TYRP1: variants seen among roughly 807,000 people sequenced by gnomAD.
The protein encoded by TYRP1 is 5,6-dihydroxyindole-2-carboxylic acid oxidase.
Under a neutral mutation model 42.8 loss-of-function variants are expected in TYRP1, and 49 were observed. The observed-to-expected ratio is 1.14, with a 90% confidence interval of 0.91 to 1.45. The LOEUF is 1.45. Among genes scored for constraint, TYRP1 ranks in the 40% most tolerant of loss-of-function variants. The pLI is 0.00. For synonymous variants in TYRP1, 279 were observed against 235.4 expected (o/e 1.19, Z -1.69); for missense variants, 848 against 662.0 (o/e 1.28, Z -3.08).
intron 7 of TYRP1, 68 bp downstream of exon 7, chr9:12,708,211 G>A: frequency 1.3e-6 from 2 of 1,558,672 alleles, no homozygotes; most frequent in Middle Eastern, 3.4e-4. Flanking sequence ...TTCAAGTAGA[G>A]TAATCACGGT....
chr9:12,703,883 A>ATATGTGTGTGTGTG (rs141978563), intron 5 of TYRP1, among the ~76,000 whole-genome samples: 1 of 143,432 alleles, frequency 7.0e-6, no homozygotes, highest in South Asian at 2.2e-4. Context: ...ATATATATAT[A>ATATGTGTGTGTGTG]TGTGTGTGTG....
intron 6 of TYRP1, 97 bp from the exon 7 acceptor site, chr9:12,707,900 A>C: frequency 8.2e-7 from 1 of 1,224,726 alleles, no homozygotes; most frequent in Non-Finnish European, 1.1e-6. Flanking sequence ...AAATTTTTTC[A>C]GGTTCTCCTT....
At chr9:12,703,547 A>C (rs1818208638) in intron 5 of TYRP1, among the ~76,000 whole-genome samples, 1 of 151,962 alleles carries the variant, frequency 6.6e-6, no homozygotes, top group Non-Finnish European at 1.5e-5. Context: ...TCCTGACAAA[A>C]TGTATAAAAA....
chr9:12,709,050 T>C lies in TYRP1; in HGVS notation c.1482T>C (p.Phe494=). ...VGALLLVALI[F]GTASYLIRAR... ...CTTTGTTACTGGTTGCACTCATTTT[T>C]GGGACTGCTTCTTATCTGATTCGTG... is the stretch of plus-strand genomic sequence containing the variant. Residue 494 remains phenylalanine, a synonymous_variant, in exon 8 of 8, where the codon TTT becomes TTC. Coordinates refer to ENST00000388918, the MANE Select transcript of TYRP1 (RefSeq NM_000550.3). 6 of 1,612,874 alleles carry C rather than the reference T, an allele frequency of 3.7e-6. No homozygotes were observed. Among genetic ancestry groups the C allele is most frequent in the Middle Eastern group, 1.7e-4 (1 of 6,058 alleles).
intron 6 of TYRP1, among the ~76,000 whole-genome samples, chr9:12,705,588 T>C (rs1818244686): frequency 6.6e-6 from 1 of 152,074 alleles, no homozygotes; most frequent in Non-Finnish European, 1.5e-5. Flanking sequence ...CACATAAGCC[T>C]GTAATCGCAG....
intron 4 of TYRP1, 68 bp from the exon 5 acceptor site, chr9:12,702,203 T>A: frequency 6.4e-7 from 1 of 1,557,274 alleles, no homozygotes; most frequent in Non-Finnish European, 8.8e-7. Flanking sequence ...ATGTATAAAG[T>A]TTTAAAGAGC....
At chr9:12,694,982 C>T (rs183372237) in intron 2 of TYRP1, among the ~76,000 whole-genome samples, 299 of 152,190 alleles carry the variant, frequency 2.0e-3, no homozygotes, top group African/African-American at 6.8e-3. Flanking sequence ...GTATTGAGTC[C>T]TTACTATGAG....
intron 5 of TYRP1, among the ~76,000 whole-genome samples, chr9:12,703,905 GTGTGTATA>G (rs1818216375): frequency 1.3e-5 from 2 of 150,244 alleles, no homozygotes; most frequent in South Asian, 4.2e-4. Flanking sequence ...GTGTGTGTGT[GTGTGTATA>G]TATGTGTGTG....
intron 4 of TYRP1, chr9:12,700,542 A>T (rs1333530498): frequency 6.6e-6 from 1 of 152,080 alleles, no homozygotes; most frequent in African/African-American, 2.4e-5. Context: ...ATTTATTTTT[A>T]TGTGGAAATT....
intron 6 of TYRP1, among the ~76,000 whole-genome samples, chr9:12,705,099 A>G (rs1586846031): frequency 6.6e-6 from 1 of 152,150 alleles, no homozygotes; most frequent in South Asian, 2.1e-4. Context: ...AAAATTTTAT[A>G]CCCATAATCC....
At chr9:12,706,561 G>A (rs764390504) in intron 6 of TYRP1, among the ~76,000 whole-genome samples, 11 of 151,868 alleles carry the variant, frequency 7.2e-5, no homozygotes, top group East Asian at 3.9e-4. Flanking sequence ...GAGAAATACC[G>A]TAAATAAAAA....
chr9:12,694,495 T>G, intron 2 of TYRP1, 114 bp downstream of exon 2: 1 of 1,341,658 alleles, frequency 7.5e-7, no homozygotes, highest in Non-Finnish European at 1.0e-6. Flanking sequence ...CTCAACCCTC[T>G]CTTTTCATAG....
chr9:12,696,723 T>C (rs936337051), intron 3 of TYRP1, among the ~76,000 whole-genome samples: 1 of 152,302 alleles, frequency 6.6e-6, no homozygotes, highest in Non-Finnish European at 1.5e-5. Context: ...TACCAACTGC[T>C]CTGTTCCTTG....
At position 12,709,058 on chromosome 9, in the gene TYRP1, C is replaced by T. The variant is rs1038406956; in HGVS notation, c.1490C>T (p.Ala497Val). ...CTGGTTGCACTCATTTTTGGGACTG[C>T]TTCTTATCTGATTCGTGCCAGACGC... ...LLLVALIFGT[A>V]SYLIRARRSM... The change falls in exon 8 of 8, where the codon GCT becomes GTT. Residue 497 changes from alanine to valine, a missense_variant. Coordinates refer to ENST00000388918, the MANE Select transcript of TYRP1 (RefSeq NM_000550.3). 2 of 1,612,774 alleles carry T rather than the reference C, an allele frequency of 1.2e-6. No individual in the cohort carries two copies. Among genetic ancestry groups the T allele is most frequent in the Non-Finnish European group, 1.7e-6 (2 of 1,179,262 alleles).
intron 6 of TYRP1, among the ~76,000 whole-genome samples, chr9:12,706,734 A>G (rs1489520419): frequency 6.6e-6 from 1 of 152,058 alleles, no homozygotes; most frequent in Admixed American, 6.6e-5. Context: ...AATCAGTGTC[A>G]TAAAACAACT....
At chr9:12,708,942 T>C in intron 7 of TYRP1, 35 bp from the exon 8 acceptor site, 1 of 1,539,078 alleles carries the variant, frequency 6.5e-7, no homozygotes, top group Non-Finnish European at 8.9e-7. Flanking sequence ...TATTTTAATA[T>C]TTGTCTTTTT....
chr9:12,709,432 T>TGA lies in TYRP1; in HGVS notation c.*251_*252dup. The TGA allele has an allele frequency of 2.0e-6, 1 of 495,108 alleles. No individual in the cohort carries two copies. Among genetic ancestry groups the TGA allele is most frequent in the Middle Eastern group, 5.7e-4 (1 of 1,740 alleles). The allele number at this position is 495,108 out of a possible 1,614,324, so 30.7% of individuals were successfully genotyped here. The stretch of plus-strand genomic sequence containing the variant: ...AACTCCATGATATTTAAGGATAGTG[T>TGA]GAAGATCTTTGGCATGATTTAAAGG... On this transcript the variant is annotated 3_prime_UTR_variant, in exon 8 of 8. Coordinates refer to ENST00000388918, the MANE Select transcript of TYRP1 (RefSeq NM_000550.3).
Position 12,698,561 on chromosome 9 carries a change from T to G in TYRP1, c.819T>G (p.Asp273Glu). Reference protein sequence around the residue: ...DDLMGSRSNFDSTLISPNSVF... With the variant: ...DDLMGSRSNFESTLISPNSVF... The stretch of plus-strand genomic sequence containing the variant: ...TGATGGGATCCAGAAGCAACTTTGA[T>G]TCCACTCTAATAAGCCCAAACTCTG... The change falls in exon 4 of 8, where the codon GAT (aspartate) becomes GAG (glutamate). Residue 273 changes from aspartate to glutamate, a missense_variant. By Grantham distance (45) the Asp-to-Glu change is conservative. Coordinates refer to ENST00000388918, the MANE Select transcript of TYRP1 (RefSeq NM_000550.3). 1 of 1,613,886 alleles carries G rather than the reference T, an allele frequency of 6.2e-7. No homozygotes were observed. The highest frequency in any genetic ancestry group is 1.3e-5 in the African/African-American group (1 of 75,042).
Position 12,696,668 on chromosome 9 carries a change from A to G in TYRP1, c.708+831A>G, listed in dbSNP as rs117785206. Among the ~76,000 whole-genome samples, 97 of 152,294 alleles carry G rather than the reference A, an allele frequency of 6.4e-4. 5 individuals carry two copies. The East Asian group carries it at 0.017, about 27-fold the overall frequency. On this transcript the variant is annotated intron_variant, in intron 3 of 7. Coordinates refer to ENST00000388918, the MANE Select transcript of TYRP1 (RefSeq NM_000550.3). ...TTTTCTAAGCAGATAAGCTTCAAAC[A>G]TATTAAAGTATCTAGTTACGTAGAT... is the stretch of plus-strand genomic sequence containing the variant.
Sources: allele counts gnomAD v4.1 joint callset (sites outside exome capture counted in the v4.1 genomes callset), GRCh38; gene constraint gnomAD v4.1.1; transcripts MANE v1.5; gene names NCBI Gene and HGNC (gene_info 2026-07-23, HGNC 2026-07-21).